Variants in GLRA3 observed in about 807,000 individuals in gnomAD.
The protein encoded by GLRA3 is glycine receptor subunit alpha-3.
Under a neutral mutation model 60.4 loss-of-function variants are expected in GLRA3, and 44 were observed. The observed-to-expected ratio is 0.73, with a 90% CI of 0.57 to 0.94. The LOEUF (loss-of-function observed/expected upper bound fraction) is 0.94, where lower values mean the gene tolerates loss of function less well. Among genes scored for constraint, GLRA3 ranks in the 40% least tolerant of loss-of-function variants. The probability of loss-of-function intolerance (pLI) is 0.00; values close to 1 mark genes in which losing one functional copy is unlikely to be tolerated. For missense variants in GLRA3, 508 were observed against 564.6 expected (o/e 0.90, Z 1.02); for synonymous variants, 223 against 192.9 (o/e 1.16, Z -1.29).
At chr4:174,647,007 A>G (rs4334734) in intron 9 of GLRA3, among the ~76,000 whole-genome samples, 77,993 of 152,064 alleles carry the variant, frequency 0.51, 21,517 homozygotes, top group African/African-American at 0.72. Context: ...TTATTGGAAC[A>G]TGGATCGCAC....
intron 9 of GLRA3, among the ~76,000 whole-genome samples, chr4:174,648,863 A>G (rs1732930640): frequency 6.6e-6 from 1 of 152,154 alleles, no homozygotes; most frequent in Non-Finnish European, 1.5e-5. Context: ...CACAGCAAAA[A>G]TTGACAGGAT....
chr4:174,828,600 C>G, intron 1 of GLRA3, 141 bp downstream of exon 1: 1 of 625,512 alleles, frequency 1.6e-6, no homozygotes, highest in Non-Finnish European at 2.9e-6. Context: ...ATAATTTAGA[C>G]AGAAAACAAT....
chr4:174,770,730 A>G (rs1027155645), intron 2 of GLRA3, among the ~76,000 whole-genome samples: 2 of 152,090 alleles, frequency 1.3e-5, no homozygotes, highest in Non-Finnish European at 2.9e-5. Context: ...TTTAGTTACT[A>G]ATGAACATTT....
chr4:174,706,477 A>T (rs925279503), intron 5 of GLRA3, among the ~76,000 whole-genome samples: 3 of 152,236 alleles, frequency 2.0e-5, no homozygotes, highest in Admixed American at 6.5e-5. Flanking sequence ...AAAGTGAAGT[A>T]AAGGAGGTAA....
intron 3 of GLRA3, among the ~76,000 whole-genome samples, chr4:174,736,905 C>G (rs1736812697): frequency 6.6e-6 from 1 of 152,120 alleles, no homozygotes; most frequent in Non-Finnish European, 1.5e-5. Context: ...AGGCATAAAA[C>G]TAGATGCTTT....
Position 174,643,672 on chromosome 4 carries a change from T to C in GLRA3, c.*114A>G. ...AAATACAAAGCTTTTCCATATGCCA[T>C]TTTAATACAATGGTCATCATTTGTA... is the stretch of plus-strand genomic sequence containing the variant. On this transcript the variant is annotated 3_prime_UTR_variant, in exon 10 of 10. Transcript: ENST00000274093. 1.4e-6 allele frequency: 2 copies of C among 1,428,244 alleles called. No individual in the cohort carries two copies. Among genetic ancestry groups the C allele is most frequent in the East Asian group, 2.4e-5 (1 of 42,486 alleles). 88.5% of individuals were successfully genotyped at this position (1,428,244 alleles called of 1,614,324 possible).
chr4:174,705,234 G>A (rs1352799641), intron 5 of GLRA3, among the ~76,000 whole-genome samples: 2 of 143,602 alleles, frequency 1.4e-5, no homozygotes, highest in African/African-American at 5.0e-5. Context: ...ATTATAAAAG[G>A]GTGGTTTCAG....
At chr4:174,778,178 C>A (rs77333597) in intron 2 of GLRA3, among the ~76,000 whole-genome samples, 4,633 of 152,160 alleles carry the variant, frequency 0.03, 90 homozygotes, top group Non-Finnish European at 0.047. Flanking sequence ...GTGGTCTGCG[C>A]CTGGGGATGT....
rs576348526 is a variant in GLRA3, at chr4:174,704,074, C to T, written c.574+11414G>A. On this transcript the variant is annotated intron_variant, in intron 5 of 9. Coordinates refer to ENST00000274093, the MANE Select transcript of GLRA3 (RefSeq NM_006529.4). The stretch of plus-strand genomic sequence containing the variant: ...TTTGGGGGTGCTGAGGTGGTTGGAT[C>T]ACTTGAGATCAAGTGTTCGAGACCA... Among the ~76,000 whole-genome samples the T allele has an allele frequency of 1.5e-4, 16 of 107,076 alleles. 2 individuals carry two copies. In the South Asian group the frequency reaches 4.1e-3, roughly 27 times the overall value. The allele number at this position is 107,076 out of a possible 152,430, so 70.2% of individuals were successfully genotyped here.
chr4:174,768,031 C>T (rs1273998886), intron 2 of GLRA3, among the ~76,000 whole-genome samples: 1 of 152,082 alleles, frequency 6.6e-6, no homozygotes, highest in Non-Finnish European at 1.5e-5. Flanking sequence ...AGAAATTTTT[C>T]CCACCAAGTG....
chr4:174,810,299 T>G (rs72708276), intron 1 of GLRA3, among the ~76,000 whole-genome samples: 19,102 of 152,118 alleles, frequency 0.13, 1,280 homozygotes, highest in South Asian at 0.17. Context: ...TATTCACTTC[T>G]CTATTCTGTG....
intron 3 of GLRA3, among the ~76,000 whole-genome samples, chr4:174,746,970 G>A (rs956163716): frequency 1.3e-5 from 2 of 152,180 alleles, no homozygotes; most frequent in African/African-American, 2.4e-5. Context: ...AGATTGACAT[G>A]TACTCACAGG....
In GLRA3 at chr4:174,643,213, C is replaced by T. The variant is rs1418626177; in HGVS notation, c.*573G>A. 3 of 751,444 alleles carry T rather than the reference C, an allele frequency of 4.0e-6. No individual in the cohort carries two copies. Among genetic ancestry groups the T allele is most frequent in the Non-Finnish European group, 4.9e-6 (3 of 617,656 alleles). 46.5% of individuals were successfully genotyped at this position (751,444 alleles called of 1,614,324 possible). A position where few individuals can be genotyped will look rare whatever the true frequency, so the allele number is the denominator to read the frequency against. On this transcript the variant is annotated 3_prime_UTR_variant, in exon 10 of 10. Coordinates refer to ENST00000274093, the MANE Select transcript of GLRA3 (RefSeq NM_006529.4). ...TTCTAAACAATTAAATTTAGTATTC[C>T]AAATCATTAAAGTCTTTTAATGCTC...
chr4:174,743,057 G>C (rs1258992916), intron 3 of GLRA3, among the ~76,000 whole-genome samples: 1 of 152,148 alleles, frequency 6.6e-6, no homozygotes, highest in Admixed American at 6.5e-5. Context: ...TCAGAATTAA[G>C]CTATTTCCTC....
At chr4:174,828,490 A>AT (rs542870985) in intron 1 of GLRA3, among the ~76,000 whole-genome samples, 15 of 151,994 alleles carry the variant, frequency 9.9e-5, no homozygotes, top group South Asian at 6.2e-4. Flanking sequence ...TTTTAAAATA[A>AT]TTTTTTTTTC....
chr4:174,684,383 A>T (rs997643804), intron 5 of GLRA3, among the ~76,000 whole-genome samples: 1 of 152,194 alleles, frequency 6.6e-6, no homozygotes, highest in Non-Finnish European at 1.5e-5. Context: ...CAGTTTGTGG[A>T]AGTGGAAACC....
intron 1 of GLRA3, among the ~76,000 whole-genome samples, chr4:174,809,098 T>G (rs1309131172): frequency 6.6e-6 from 1 of 152,202 alleles, no homozygotes; most frequent in East Asian, 1.9e-4. Context: ...TCATCGTAAG[T>G]GCTCTATACA....
At chr4:174,803,836 T>C (rs1244212109) in intron 1 of GLRA3, among the ~76,000 whole-genome samples, 1 of 152,154 alleles carries the variant, frequency 6.6e-6, no homozygotes, top group Non-Finnish European at 1.5e-5. Context: ...CACCATAAAA[T>C]TAAGAATCTG....
At chr4:174,667,829 A>T (rs1336665410) in intron 7 of GLRA3, among the ~76,000 whole-genome samples, 1 of 152,054 alleles carries the variant, frequency 6.6e-6, no homozygotes, top group Non-Finnish European at 1.5e-5. Flanking sequence ...CACTTTGTTC[A>T]TTTATTTGTG....
Sources: gnomAD v4.1 joint callset for allele counts (sites outside exome capture counted in the v4.1 genomes callset) on GRCh38, gnomAD v4.1.1 for gene constraint, MANE v1.5 for transcripts, NCBI Gene and HGNC (gene_info 2026-07-23, HGNC 2026-07-21) for gene names.